Variants in TMEM150C observed in about 807,000 individuals in gnomAD.
TMEM150C encodes the protein transmembrane protein 150C.
A neutral mutation model predicts 29.9 loss-of-function variants in TMEM150C; 10 were observed. That is an observed-to-expected ratio of 0.33 (90% CI 0.21 to 0.57). TMEM150C has a LOEUF of 0.57. Ranked by LOEUF, TMEM150C falls within the 20% of genes least tolerant of loss-of-function variation. The pLI is 0.88. For missense variants in TMEM150C, 251 were observed against 303.6 expected (o/e 0.83, Z 1.29); for synonymous variants, 101 against 112.5 (o/e 0.90, Z 0.64).
At chr4:82,558,983 C>CTTA in intron 1 of TMEM150C, among the ~76,000 whole-genome samples, 1 of 152,308 alleles carries the variant, frequency 6.6e-6, no homozygotes, top group Non-Finnish European at 1.5e-5. Context: ...CTCCCCCACC[C>CTTA]TTAAGAAGGT....
chr4:82,526,730 C>T lies in TMEM150C; in HGVS notation c.-10-22063G>A, dbSNP rs1201921004. Among the ~76,000 whole-genome samples the T allele has an allele frequency of 3.9e-5, 6 of 152,156 alleles. 1 individual carries two copies. The highest frequency in any genetic ancestry group is 3.9e-4 in the Admixed American group (6 of 15,266). ...TTATGACACTCACCACTTACAAAAACCTCTCAATTAATTATAATGCTTAGA... is the reference window on the plus strand; with the variant it reads ...TTATGACACTCACCACTTACAAAAATCTCTCAATTAATTATAATGCTTAGA... On this transcript the variant is annotated intron_variant, in intron 1 of 7. Coordinates refer to ENST00000449862, the MANE Select transcript of TMEM150C (RefSeq NM_001080506.3).
At chr4:82,540,373 C>A (rs1560497177) in intron 1 of TMEM150C, among the ~76,000 whole-genome samples, 1 of 151,740 alleles carries the variant, frequency 6.6e-6, no homozygotes, top group Non-Finnish European at 1.5e-5. Flanking sequence ...CCTCAGCCTC[C>A]TAAAGTGCGG....
intron 1 of TMEM150C, among the ~76,000 whole-genome samples, chr4:82,536,835 T>A (rs1189290041): frequency 1.3e-5 from 2 of 152,238 alleles, no homozygotes; most frequent in Non-Finnish European, 2.9e-5. Context: ...TGGCTAATAT[T>A]CTTCATATAT....
chr4:82,518,630 C>T (rs989090208), intron 1 of TMEM150C, among the ~76,000 whole-genome samples: 10 of 152,268 alleles, frequency 6.6e-5, no homozygotes, highest in South Asian at 2.1e-4. Flanking sequence ...TTGAGACATA[C>T]GAGGGGTTTC....
At chr4:82,552,005 T>C (rs1725598561) in intron 1 of TMEM150C, among the ~76,000 whole-genome samples, 1 of 152,164 alleles carries the variant, frequency 6.6e-6, no homozygotes, top group Admixed American at 6.5e-5. Context: ...TTTCACTCTA[T>C]GAGCTCCCAA....
rs1353035324 is a variant in TMEM150C, at chr4:82,561,842, G to C, written c.-11+64C>G. 35 of 973,188 alleles carry C rather than the reference G, an allele frequency of 3.6e-5. No homozygotes were observed. The South Asian group carries it at 1.0e-3, about 29-fold the overall frequency. The allele number at this position is 973,188 out of a possible 1,614,324, so 60.3% of individuals were successfully genotyped here. On this transcript the variant is annotated intron_variant, in intron 1 of 7. Coordinates refer to ENST00000449862, the MANE Select transcript of TMEM150C (RefSeq NM_001080506.3). ...GTCTCCGCCTGCGGGCTGCGCACGGGGCCGGGCCGGACGCCCCCTGGCTGC... is the reference window on the plus strand; with the variant it reads ...GTCTCCGCCTGCGGGCTGCGCACGGCGCCGGGCCGGACGCCCCCTGGCTGC...
chr4:82,514,225 T>A (rs1724220271), intron 1 of TMEM150C, among the ~76,000 whole-genome samples: 1 of 152,248 alleles, frequency 6.6e-6, no homozygotes, highest in African/African-American at 2.4e-5. Flanking sequence ...GCAAGGGGCC[T>A]TCCCATTGCC....
chr4:82,491,417 C>T (rs1006751321), intron 6 of TMEM150C: 1 of 660,664 alleles, frequency 1.5e-6, no homozygotes, highest in Non-Finnish European at 2.7e-6. Flanking sequence ...TTAATTGCAG[C>T]CGCTTATAGA....
At chr4:82,529,907 G>T (rs929179511) in intron 1 of TMEM150C, among the ~76,000 whole-genome samples, 3 of 152,040 alleles carry the variant, frequency 2.0e-5, no homozygotes, top group Admixed American at 1.3e-4. Context: ...ATAGAGAATT[G>T]AGCATATTTT....
chr4:82,547,610 A>G (rs1725430551), intron 1 of TMEM150C, among the ~76,000 whole-genome samples: 1 of 152,136 alleles, frequency 6.6e-6, no homozygotes, highest in Non-Finnish European at 1.5e-5. Flanking sequence ...AAAGAAAAAA[A>G]AGGTTTAATC....
intron 1 of TMEM150C, among the ~76,000 whole-genome samples, chr4:82,551,741 AG>A (rs1239934583): frequency 1.3e-5 from 2 of 152,080 alleles, no homozygotes; most frequent in East Asian, 3.8e-4. Flanking sequence ...ATGGTACCCT[AG>A]GATGCCTCTC....
intron 5 of TMEM150C, 108 bp downstream of exon 5, chr4:82,502,619 A>T: frequency 9.0e-7 from 1 of 1,109,532 alleles, no homozygotes; most frequent in Non-Finnish European, 1.3e-6. Context: ...ATCGTATGAT[A>T]CTAAATGATC....
intron 7 of TMEM150C, among the ~76,000 whole-genome samples, chr4:82,489,440 T>C (rs1439725770): frequency 6.6e-6 from 1 of 152,122 alleles, no homozygotes; most frequent in African/African-American, 2.4e-5. Flanking sequence ...CCAGGTTTAC[T>C]AGGATAAAGG....
intron 5 of TMEM150C, among the ~76,000 whole-genome samples, chr4:82,499,685 T>G (rs142583045): frequency 0.015 from 1,932 of 125,794 alleles, 41 homozygotes; most frequent in African/African-American, 0.059. Flanking sequence ...ATTGTGCCAT[T>G]GCACTCCAGC....
chr4:82,555,766 C>T (rs1018513186), intron 1 of TMEM150C, among the ~76,000 whole-genome samples: 2 of 152,126 alleles, frequency 1.3e-5, no homozygotes, highest in Non-Finnish European at 1.5e-5. Flanking sequence ...GTAGGTACTG[C>T]GGGATAATGG....
Position 82,491,237 on chromosome 4 carries a change from G to A in TMEM150C, c.364-999C>T, listed in dbSNP as rs72913661. ...CTCGAAGGGCAGGTGGTCTCTTAGT[G>A]GGGACGTCCTCTTTGCAGGCAGCTT... On this transcript the variant is annotated intron_variant, in intron 6 of 7. Coordinates refer to ENST00000449862, the MANE Select transcript of TMEM150C (RefSeq NM_001080506.3). 5.0e-4 allele frequency: 341 copies of A among 679,524 alleles called. 1 individual carries two copies. In the African/African-American group the frequency reaches 5.4e-3, roughly 11 times the overall value. 42.1% of individuals were successfully genotyped at this position (679,524 alleles called of 1,614,324 possible).
intron 1 of TMEM150C, among the ~76,000 whole-genome samples, chr4:82,523,646 CCTCT>C (rs979832046): frequency 2.0e-4 from 30 of 152,256 alleles, no homozygotes; most frequent in African/African-American, 6.5e-4. Context: ...GACCCCTTTC[CCTCT>C]CTATTTGCCT....
chr4:82,486,951 A>T lies in TMEM150C; in HGVS notation c.542-1232T>A, dbSNP rs564627213. 8.9e-4 allele frequency among the ~76,000 whole-genome samples: 135 copies of T among 152,354 alleles called. 1 individual carries two copies. The highest frequency in any genetic ancestry group is 1.5e-3 in the Non-Finnish European group (101 of 68,034). ...CTAGATGCATTTACTTAGAAAGATC[A>T]GAAATGTCTCCTTAGAATTAGTTCT... On this transcript the variant is annotated intron_variant, in intron 7 of 7. Coordinates refer to ENST00000449862, the MANE Select transcript of TMEM150C (RefSeq NM_001080506.3).
intron 1 of TMEM150C, among the ~76,000 whole-genome samples, chr4:82,558,304 T>G (rs1384663583): frequency 6.6e-6 from 1 of 152,228 alleles, no homozygotes; most frequent in Admixed American, 6.5e-5. Context: ...AATAGCCACA[T>G]GTGGCTCATG....
Sources: gnomAD v4.1 joint callset for allele counts (sites outside exome capture counted in the v4.1 genomes callset) on GRCh38, gnomAD v4.1.1 for gene constraint, MANE v1.5 for transcripts, NCBI Gene and HGNC (gene_info 2026-07-23, HGNC 2026-07-21) for gene names.